Variants in ZBTB46 observed in about 807,000 individuals in gnomAD.
ZBTB46 encodes zinc finger and BTB domain-containing protein 46.
ZBTB46 carries 8 observed loss-of-function variants against 44.1 expected under a neutral mutation model. The observed-to-expected ratio is 0.18, with a 90% confidence interval of 0.11 to 0.33. The LOEUF is 0.33. Ranked by LOEUF, ZBTB46 falls within the 10% of genes least tolerant of loss-of-function variation. ZBTB46 has a pLI of 1.00. For synonymous variants in ZBTB46, 409 were observed against 382.3 expected (o/e 1.07, Z -0.81); for missense variants, 651 against 847.7 (o/e 0.77, Z 2.88).
intron 1 of ZBTB46, among the ~76,000 whole-genome samples, chr20:63,791,733 T>G (rs911749562): frequency 1.3e-5 from 2 of 152,034 alleles, no homozygotes; most frequent in Non-Finnish European, 2.9e-5. Flanking sequence ...ACACGACTGG[T>G]CTCTGGGTCC....
rs781200568 is a variant in ZBTB46 at position 63,752,854 on chromosome 20, C to T, written c.1230G>A (p.Glu410=). Residue 410 remains glutamate (E), a synonymous_variant, in exon 4 of 5, where the codon GAG becomes GAA. Transcript: ENST00000245663. The surrounding 1 kb of genome is among the most constrained non-coding windows in gnomAD (Gnocchi z 5.6). ...TGAACTTCTTCCTGATCACCGTGAA[C>T]TCATTCACTGAAAGAGAGGGACCCG... ...PRGAHSLSLN[E]FTVIRKKFKC... is the part of the protein sequence containing the mutation. The T allele has an allele frequency of 6.2e-7, 1 of 1,602,870 alleles. No homozygotes were observed. The highest frequency in any genetic ancestry group is 2.2e-5 in the East Asian group (1 of 44,528).
intron 1 of ZBTB46, among the ~76,000 whole-genome samples, chr20:63,800,086 A>G (rs1219877522): frequency 1.3e-5 from 2 of 152,222 alleles, no homozygotes; most frequent in Non-Finnish European, 2.9e-5. Context: ...GGATGCTTCC[A>G]AACTGCAGAG....
rs1229492324 is a variant in ZBTB46 at position 63,746,354 on chromosome 20, C to T, written c.*576G>A. The T allele has an allele frequency of 6.5e-6, 1 of 152,970 alleles. No individual in the cohort carries two copies. The highest frequency in any genetic ancestry group is 6.5e-5 in the Admixed American group (1 of 15,294). The allele number at this position is 152,970 out of a possible 1,614,324, so 9.5% of individuals were successfully genotyped here. On this transcript the variant is annotated 3_prime_UTR_variant, in exon 5 of 5. Coordinates refer to ENST00000245663, the MANE Select transcript of ZBTB46 (RefSeq NM_001369741.1). ...TGCAGCTGTGTTGTGTGTTAAGCAC[C>T]AAAGCCCAGAGGTAAGACGGTGGCA...
intron 1 of ZBTB46, among the ~76,000 whole-genome samples, chr20:63,799,825 C>T (rs1437704366): frequency 6.6e-6 from 1 of 152,166 alleles, no homozygotes; most frequent in African/African-American, 2.4e-5. Flanking sequence ...ACCATGTGTC[C>T]TCGAGGACAC....
chr20:63,802,351 G>A (rs537348819), intron 1 of ZBTB46, among the ~76,000 whole-genome samples: 2 of 152,146 alleles, frequency 1.3e-5, no homozygotes, highest in Non-Finnish European at 2.9e-5. Context: ...TGAACCGGGA[G>A]ACGGAGGCTG....
chr20:63,762,485 C>T (rs2092285359), intron 3 of ZBTB46, among the ~76,000 whole-genome samples: 1 of 152,038 alleles, frequency 6.6e-6, no homozygotes, highest in Non-Finnish European at 1.5e-5. Flanking sequence ...AATCCTGTCT[C>T]TACTAAAAAT....
chr20:63,820,777 G>A (rs1367296708), intron 1 of ZBTB46, among the ~76,000 whole-genome samples: 3 of 151,512 alleles, frequency 2.0e-5, no homozygotes, highest in Non-Finnish European at 2.9e-5. Context: ...TGCCCAGGCT[G>A]GAGTGCCACA....
At chr20:63,781,409 T>C (rs1351493266) in intron 2 of ZBTB46, among the ~76,000 whole-genome samples, 1 of 151,908 alleles carries the variant, frequency 6.6e-6, no homozygotes, top group Non-Finnish European at 1.5e-5. Flanking sequence ...GACAGCCCAA[T>C]CGAAACACGG....
intron 3 of ZBTB46, among the ~76,000 whole-genome samples, chr20:63,768,419 C>T (rs1601423220): frequency 6.6e-6 from 1 of 152,196 alleles, no homozygotes; most frequent in African/African-American, 2.4e-5. Flanking sequence ...GGTGAAACCT[C>T]ATCTCTACTA....
upstream of ZBTB46, among the ~76,000 whole-genome samples, chr20:63,831,945 C>T (rs945550005): frequency 1.3e-5 from 2 of 152,002 alleles, no homozygotes; most frequent in Non-Finnish European, 2.9e-5. Context: ...CCGCGCGCGC[C>T]TACCCTCGGG....
At position 63,803,404 on chromosome 20, in the gene ZBTB46, TAGC is replaced by T; in HGVS notation, c.-33-12617_-33-12615del. On this transcript the variant is annotated intron_variant, in intron 1 of 4. Coordinates refer to ENST00000245663, the MANE Select transcript of ZBTB46 (RefSeq NM_001369741.1). The surrounding 1 kb of genome is among the most constrained non-coding windows in gnomAD (Gnocchi z 4.0). Reference sequence around the variant, plus strand: ...GACTAGAAAACACTCCAAGACATGTTAGCAGAGTCGTCTTTCGACAGCGAGACC... The same window carrying T: ...GACTAGAAAACACTCCAAGACATGTTAGAGTCGTCTTTCGACAGCGAGACC... 1 of 985,450 alleles carries T rather than the reference TAGC, an allele frequency of 1.0e-6. No homozygotes were observed. The highest frequency in any genetic ancestry group is 1.7e-5 in the African/African-American group (1 of 57,374). 61.0% of individuals were successfully genotyped at this position (985,450 alleles called of 1,614,324 possible). A position where few individuals can be genotyped will look rare whatever the true frequency, so the allele number is the denominator to read the frequency against.
intron 3 of ZBTB46, among the ~76,000 whole-genome samples, chr20:63,765,915 C>A (rs934226741): frequency 1.3e-5 from 2 of 152,170 alleles, no homozygotes; most frequent in African/African-American, 4.8e-5. Flanking sequence ...AAAAAGTTAA[C>A]CAAACTCTTT....
chr20:63,814,174 A>C (rs2092733996), intron 1 of ZBTB46, among the ~76,000 whole-genome samples: 1 of 150,680 alleles, frequency 6.6e-6, no homozygotes, highest in Non-Finnish European at 1.5e-5. Context: ...CAGAGCTTGC[A>C]GTGAGCCGAG....
At chr20:63,765,764 G>T (rs890374353) in intron 3 of ZBTB46, among the ~76,000 whole-genome samples, 2 of 152,216 alleles carry the variant, frequency 1.3e-5, no homozygotes, top group Non-Finnish European at 2.9e-5. Flanking sequence ...AGTTTCAGGG[G>T]AAAGAATGTT....
chr20:63,782,488 A>G (rs2092479164), intron 2 of ZBTB46, among the ~76,000 whole-genome samples: 1 of 152,136 alleles, frequency 6.6e-6, no homozygotes, highest in Non-Finnish European at 1.5e-5. Context: ...GACTTCAGAG[A>G]ACCGTGAGAC....
chr20:63,793,728 A>G (rs1239287239), intron 1 of ZBTB46, among the ~76,000 whole-genome samples: 1 of 152,182 alleles, frequency 6.6e-6, no homozygotes, highest in South Asian at 2.1e-4. Context: ...AGCAGCGGCT[A>G]CCTCACAACG....
chr20:63,831,696 G>T (rs1382412564), upstream of ZBTB46, among the ~76,000 whole-genome samples: 2 of 150,612 alleles, frequency 1.3e-5, no homozygotes, highest in African/African-American at 4.9e-5. Flanking sequence ...CCCGGCGAGG[G>T]CACCCGCTCC....
rs567989272 is a variant in ZBTB46 at position 63,778,909 on chromosome 20, C to T, written c.938-2947G>A. ...TTAACAACGAAAATTAGTTTCCTCA[C>T]GCTCTGGAGACTGGGAAGTCCAAGG... On this transcript the variant is annotated intron_variant, in intron 2 of 4. Transcript: ENST00000245663. Among the ~76,000 whole-genome samples, 6 of 152,324 alleles carry T rather than the reference C, an allele frequency of 3.9e-5. No individual in the cohort carries two copies. In the East Asian group the frequency reaches 7.7e-4, roughly 20 times the overall value.
At chr20:63,832,398 G>A (rs1394226136), upstream of ZBTB46, among the ~76,000 whole-genome samples, 1 of 152,116 alleles carries the variant, frequency 6.6e-6, no homozygotes, top group African/African-American at 2.4e-5. The surrounding 1 kb of genome is among the most constrained non-coding windows in gnomAD (Gnocchi z 5.0). Context: ...CCAACCAATG[G>A]GGAGGCGCCC....
Sources: gnomAD v4.1 joint callset for allele counts (sites outside exome capture counted in the v4.1 genomes callset) on GRCh38, gnomAD v4.1.1 for gene constraint, Gnocchi (gnomAD v3.1) non-coding constraint, MANE v1.5 for transcripts, NCBI Gene and HGNC (gene_info 2026-07-23, HGNC 2026-07-21) for gene names.